Variants in RFX7 observed in about 807,000 individuals in gnomAD.
RFX7 encodes regulatory factor X7.
In RFX7, 26 loss-of-function variants were observed where a neutral mutation model predicts 111.8. That is an observed-to-expected ratio of 0.23 (90% confidence interval 0.17 to 0.32). RFX7 has a LOEUF of 0.32. Ranked by LOEUF, RFX7 falls within the 10% of genes least tolerant of loss-of-function variation. RFX7 has a pLI of 1.00. For missense variants in RFX7, 1,573 were observed against 1,772.9 expected, an observed-to-expected ratio of 0.89 and a Z score of 2.02; for synonymous variants, 624 against 624.4, an observed-to-expected ratio of 1.00 and a Z score of 0.01.
intron 5 of RFX7, among the ~76,000 whole-genome samples, chr15:56,111,993 T>C (rs1387072314): frequency 2.0e-5 from 3 of 151,842 alleles, no homozygotes; most frequent in Non-Finnish European, 4.4e-5. Context: ...TGTGTGCCTA[T>C]AGTCCCAGCT....
intron 5 of RFX7, among the ~76,000 whole-genome samples, chr15:56,125,000 G>T (rs1288141903): frequency 1.3e-5 from 2 of 152,132 alleles, no homozygotes; most frequent in Non-Finnish European, 1.5e-5. Flanking sequence ...TTACATTTAT[G>T]TCTTTGATCC....
intron 3 of RFX7, 114 bp from the exon 4 acceptor site, chr15:56,144,597 T>G (rs1387930814): frequency 5.5e-6 from 2 of 364,888 alleles, no homozygotes; most frequent in South Asian, 4.9e-5. Context: ...TTAAAACAGA[T>G]GAATCATCTG....
intron 2 of RFX7, among the ~76,000 whole-genome samples, chr15:56,205,525 C>G (rs543567890): frequency 2.0e-5 from 3 of 152,334 alleles, no homozygotes; most frequent in African/African-American, 7.2e-5. Context: ...TATGTTGACA[C>G]AAGTTTGACT....
intron 2 of RFX7, among the ~76,000 whole-genome samples, chr15:56,181,384 T>G (rs1187760435): frequency 2.0e-5 from 3 of 152,176 alleles, no homozygotes; most frequent in African/African-American, 7.2e-5. Flanking sequence ...TCGCTATAGC[T>G]CTCATCCTGC....
At chr15:56,167,366 G>A (rs796783803) in intron 3 of RFX7, among the ~76,000 whole-genome samples, 16 of 152,044 alleles carry the variant, frequency 1.1e-4, no homozygotes, top group Admixed American at 3.3e-4. Flanking sequence ...ATACCTCTCC[G>A]ATAGACCAAC....
At chr15:56,140,325 G>T (rs990995880) in intron 5 of RFX7, among the ~76,000 whole-genome samples, 2 of 152,180 alleles carry the variant, frequency 1.3e-5, no homozygotes, top group Admixed American at 1.3e-4. Flanking sequence ...GTGGTGCGCC[G>T]CTTTTTAAGC....
intron 3 of RFX7, among the ~76,000 whole-genome samples, chr15:56,163,098 G>T (rs1040965489): frequency 2.7e-4 from 41 of 152,194 alleles, no homozygotes; most frequent in African/African-American, 9.9e-4. Context: ...AATCAAGTCT[G>T]TGTCGGTGAG....
intron 5 of RFX7, among the ~76,000 whole-genome samples, chr15:56,128,765 TA>T (rs1439705731): frequency 3.3e-5 from 5 of 151,870 alleles, no homozygotes; most frequent in Non-Finnish European, 5.9e-5. Flanking sequence ...AAGGAAGAGG[TA>T]AAATTATCTC....
At chr15:56,198,287 GA>G (rs147575832) in intron 2 of RFX7, among the ~76,000 whole-genome samples, 1 of 151,342 alleles carries the variant, frequency 6.6e-6, no homozygotes, top group Non-Finnish European at 1.5e-5. Flanking sequence ...GTATAAAAAA[GA>G]AAAAAAAGAA....
In RFX7 at chr15:56,095,884, G is replaced by A. The variant is rs569590220; in HGVS notation, c.1844C>T (p.Thr615Ile). 392 of 1,605,536 alleles carry A rather than the reference G, an allele frequency of 2.4e-4. 3 individuals carry two copies. The South Asian group carries it at 3.9e-3, about 16-fold the overall frequency. Residue 615 changes from threonine to isoleucine, a missense_variant, in exon 10 of 10, where the codon ACA (threonine) becomes ATA (isoleucine). Coordinates refer to ENST00000559447, the MANE Select transcript of RFX7 (RefSeq NM_022841.7). ...AGTGATAGTGCTTTGATTATTGCCT[G>A]TTGACGTGCCTGGCAGCATTTCATT... ...RCNEMLPGTS[T>I]GNNQSTITLS... is the part of the protein sequence containing the mutation.
chr15:56,128,889 CTT>C (rs772894515), intron 5 of RFX7, among the ~76,000 whole-genome samples: 74 of 152,018 alleles, frequency 4.9e-4, no homozygotes, highest in Middle Eastern at 3.4e-3. Flanking sequence ...CAAAATCACT[CTT>C]ATTTCTATAT....
intron 2 of RFX7, among the ~76,000 whole-genome samples, chr15:56,191,246 T>G (rs1254805929): frequency 6.6e-6 from 1 of 152,216 alleles, no homozygotes; most frequent in African/African-American, 2.4e-5. Flanking sequence ...CAATAAATTA[T>G]AAGTTCCTAA....
intron 3 of RFX7, among the ~76,000 whole-genome samples, chr15:56,158,543 G>A (rs58074377): frequency 0.036 from 5,535 of 152,118 alleles, 365 homozygotes; most frequent in African/African-American, 0.13. Flanking sequence ...TGTCACCCAG[G>A]CTGGAGGGCA....
chr15:56,116,561 C>T (rs2042011268), intron 5 of RFX7, among the ~76,000 whole-genome samples: 1 of 152,086 alleles, frequency 6.6e-6, no homozygotes, highest in African/African-American at 2.4e-5. Context: ...ATGTAGTTAC[C>T]TACCATTCAT....
chr15:56,161,144 G>C (rs951021630), intron 3 of RFX7, among the ~76,000 whole-genome samples: 1 of 152,058 alleles, frequency 6.6e-6, no homozygotes, highest in Admixed American at 6.6e-5. Flanking sequence ...AACAGTTAAG[G>C]AAAAGTGATG....
At chr15:56,123,553 C>T (rs1161265595) in intron 5 of RFX7, among the ~76,000 whole-genome samples, 4 of 152,228 alleles carry the variant, frequency 2.6e-5, no homozygotes, top group African/African-American at 9.6e-5. Context: ...GATGCAGGCA[C>T]TCCCTTGGCC....
At chr15:56,114,600 A>C (rs893851697) in intron 5 of RFX7, among the ~76,000 whole-genome samples, 33 of 152,162 alleles carry the variant, frequency 2.2e-4, no homozygotes, top group East Asian at 9.6e-4. Context: ...ATCACCTTTG[A>C]AACTCATTGA....
chr15:56,173,177 T>A (rs1035223769), intron 3 of RFX7, among the ~76,000 whole-genome samples: 1 of 152,194 alleles, frequency 6.6e-6, no homozygotes, highest in Non-Finnish European at 1.5e-5. Flanking sequence ...CAAATCCCTA[T>A]GTAGATTTGG....
chr15:56,136,443 T>C (rs1466658685), intron 5 of RFX7, among the ~76,000 whole-genome samples: 1 of 143,118 alleles, frequency 7.0e-6, no homozygotes, highest in African/African-American at 2.6e-5. Flanking sequence ...ATAAGAATGC[T>C]TGTGATTTTT....
Sources: gnomAD v4.1 joint callset for allele counts (sites outside exome capture counted in the v4.1 genomes callset) on GRCh38, gnomAD v4.1.1 for gene constraint, MANE v1.5 for transcripts, NCBI Gene and HGNC (gene_info 2026-07-23, HGNC 2026-07-21) for gene names.